Variants in TLK1 observed in about 807,000 individuals in gnomAD.
TLK1 encodes the protein serine/threonine-protein kinase tousled-like 1.
TLK1 carries 24 observed loss-of-function variants against 105.3 expected under a neutral mutation model. The ratio of observed to expected loss-of-function variants is 0.23; its 90% confidence interval spans 0.17 to 0.32. The LOEUF (loss-of-function observed/expected upper bound fraction) is 0.32. Among genes scored for constraint, TLK1 ranks in the 10% least tolerant of loss-of-function variants. TLK1 has a pLI of 1.00. For synonymous variants in TLK1, 321 were observed against 310.4 expected (o/e 1.03, Z -0.36); for missense variants, 558 against 910.5 (o/e 0.61, Z 4.98).
At chr2:171,150,422 G>A (rs1398495695) in intron 1 of TLK1, among the ~76,000 whole-genome samples, 1 of 152,168 alleles carries the variant, frequency 6.6e-6, no homozygotes, top group African/African-American at 2.4e-5. Context: ...CCTTCCTCAG[G>A]AAAACTACAC....
chr2:171,082,907 G>A, intron 2 of TLK1, 55 bp from the exon 3 acceptor site: 2 of 1,222,918 alleles, frequency 1.6e-6, no homozygotes, highest in Non-Finnish European at 2.4e-6. Flanking sequence ...TAAAGCAGCG[G>A]GAATAATTTT....
chr2:171,185,003 T>G (rs1692999718), intron 1 of TLK1, among the ~76,000 whole-genome samples: 2 of 152,108 alleles, frequency 1.3e-5, no homozygotes, highest in Admixed American at 6.5e-5. Context: ...CATGCCCAGC[T>G]AATTTTTTGC....
intron 18 of TLK1, among the ~76,000 whole-genome samples, chr2:171,005,295 G>A (rs1235356170): frequency 6.6e-6 from 1 of 152,110 alleles, no homozygotes; most frequent in Non-Finnish European, 1.5e-5. Context: ...GTATACTGAG[G>A]GGATGACAGT....
chr2:171,145,756 TAC>T (rs1159170204), intron 1 of TLK1, among the ~76,000 whole-genome samples: 1 of 152,208 alleles, frequency 6.6e-6, no homozygotes, highest in Non-Finnish European at 1.5e-5. Context: ...CAATTAAAAT[TAC>T]AGTTTCAGAA....
chr2:171,214,423 C>T (rs1333247505), intron 1 of TLK1, among the ~76,000 whole-genome samples: 2 of 152,178 alleles, frequency 1.3e-5, no homozygotes, highest in African/African-American at 2.4e-5. Context: ...CTCTGTGCCC[C>T]AGTCCCCAGG....
At chr2:171,144,406 A>G (rs11888556) in intron 1 of TLK1, among the ~76,000 whole-genome samples, 4,868 of 152,298 alleles carry the variant, frequency 0.032, 252 homozygotes, top group African/African-American at 0.11. Context: ...TCTCCAGGAT[A>G]GATGATCTAT....
chr2:171,059,455 G>C (rs1049586909), intron 4 of TLK1, among the ~76,000 whole-genome samples: 1 of 152,158 alleles, frequency 6.6e-6, no homozygotes, highest in African/African-American at 2.4e-5. Context: ...TTTTGTTCAA[G>C]TATCATCCCT....
intron 3 of TLK1, among the ~76,000 whole-genome samples, chr2:171,071,999 A>G (rs1262011252): frequency 6.6e-6 from 1 of 152,152 alleles, no homozygotes; most frequent in African/African-American, 2.4e-5. Flanking sequence ...TGATTACTAT[A>G]GCTTTGTAGT....
chr2:171,021,470 T>C (rs1685502553), intron 12 of TLK1, among the ~76,000 whole-genome samples: 1 of 67,854 alleles, frequency 1.5e-5, no homozygotes, highest in African/African-American at 5.2e-5. Flanking sequence ...TTTTTTTTTT[T>C]GGTAGAGACA....
intron 2 of TLK1, among the ~76,000 whole-genome samples, chr2:171,084,905 A>G (rs1421512889): frequency 6.6e-6 from 1 of 152,210 alleles, no homozygotes; most frequent in Non-Finnish European, 1.5e-5. Flanking sequence ...AAATATATAC[A>G]GTAGATAATG....
upstream of TLK1, among the ~76,000 whole-genome samples, chr2:171,165,058 C>T (rs919816689): frequency 1.3e-5 from 2 of 152,142 alleles, no homozygotes; most frequent in African/African-American, 2.4e-5. Flanking sequence ...GAAAGAGACA[C>T]GTGCCACTCT....
intron 3 of TLK1, chr2:171,067,078 G>T: frequency 1.8e-6 from 2 of 1,130,562 alleles, no homozygotes; most frequent in South Asian, 1.8e-5. Flanking sequence ...CTTTGAACAC[G>T]AATCCCTAGG....
At chr2:171,131,779 A>C (rs1364035947) in intron 1 of TLK1, among the ~76,000 whole-genome samples, 1 of 152,182 alleles carries the variant, frequency 6.6e-6, no homozygotes, top group East Asian at 1.9e-4. Flanking sequence ...CTACCACCCA[A>C]AGATAACCAA....
At chr2:171,205,076 G>C (rs1191703214) in intron 1 of TLK1, among the ~76,000 whole-genome samples, 1 of 152,114 alleles carries the variant, frequency 6.6e-6, no homozygotes, top group African/African-American at 2.4e-5. Context: ...AGGCAGGTGT[G>C]GTGGCTCATG....
chr2:170,993,648 G>A lies in TLK1; in HGVS notation c.*132C>T, dbSNP rs1467073396. The A allele has an allele frequency of 1.2e-6, 1 of 803,144 alleles. No individual in the cohort carries two copies. The highest frequency in any genetic ancestry group is 3.2e-5 in the East Asian group (1 of 31,664). 49.8% of individuals were successfully genotyped at this position (803,144 alleles called of 1,614,324 possible). A position where few individuals can be genotyped will look rare whatever the true frequency, so the allele number is the denominator to read the frequency against. ...TATGAGGAACTTCAGTTCACAAACAGTTCTTAACCACGTCTTGTGTAAAAA... is the reference window on the plus strand; with the variant it reads ...TATGAGGAACTTCAGTTCACAAACAATTCTTAACCACGTCTTGTGTAAAAA... On this transcript the variant is annotated 3_prime_UTR_variant, in exon 21 of 21. Coordinates refer to ENST00000431350, the MANE Select transcript of TLK1 (RefSeq NM_012290.5).
intron 4 of TLK1, 109 bp downstream of exon 4, chr2:171,060,972 A>G (rs1687722457): frequency 2.6e-6 from 3 of 1,144,146 alleles, no homozygotes; most frequent in Non-Finnish European, 3.7e-6. Context: ...GCACACACCA[A>G]AATTTACAAC....
At chr2:171,215,597 T>TTA (rs1427010818) in intron 1 of TLK1, among the ~76,000 whole-genome samples, 1 of 152,220 alleles carries the variant, frequency 6.6e-6, no homozygotes, top group Non-Finnish European at 1.5e-5. Context: ...GAAATTTAAA[T>TTA]TATATATATA....
chr2:171,104,973 C>T (rs1290308053), intron 2 of TLK1, among the ~76,000 whole-genome samples: 2 of 152,028 alleles, frequency 1.3e-5, no homozygotes, highest in Non-Finnish European at 2.9e-5. Context: ...TGAAACTAGC[C>T]CCTATCTCTC....
At chr2:171,003,599 T>C (rs992615285) in intron 18 of TLK1, among the ~76,000 whole-genome samples, 11 of 152,220 alleles carry the variant, frequency 7.2e-5, no homozygotes, top group Admixed American at 6.5e-4. Flanking sequence ...TTTACTGCGA[T>C]AGGCCTTTTA....
Sources: allele counts gnomAD v4.1 joint callset (sites outside exome capture counted in the v4.1 genomes callset), GRCh38; gene constraint gnomAD v4.1.1; transcripts MANE v1.5; gene names NCBI Gene and HGNC (gene_info 2026-07-23, HGNC 2026-07-21).